Variants in C13orf46 observed in about 807,000 individuals in gnomAD.
C13orf46 encodes chromosome 13 open reading frame 46.
chr13:113,951,770 G>A (rs1482979709), downstream of C13orf46, among the ~76,000 whole-genome samples: 16 of 152,296 alleles, frequency 1.1e-4, no homozygotes, highest in Middle Eastern at 3.4e-3. Flanking sequence ...CCTTTTTTGC[G>A]AAACTCCACG....
At chr13:113,949,717 G>A (rs1297538717), downstream of C13orf46, among the ~76,000 whole-genome samples, 2 of 152,196 alleles carry the variant, frequency 1.3e-5, no homozygotes, top group African/African-American at 4.8e-5. Flanking sequence ...CCTGTGCCTG[G>A]CCCCAAGCTG....
intron 6 of C13orf46, among the ~76,000 whole-genome samples, chr13:113,957,289 G>A (rs1462905694): frequency 2.2e-5 from 3 of 136,368 alleles, no homozygotes; most frequent in Non-Finnish European, 4.6e-5. Flanking sequence ...CACACTGGGG[G>A]GTCTCCCCTG....
downstream of C13orf46, among the ~76,000 whole-genome samples, chr13:113,953,204 C>T (rs1035954260): frequency 1.6e-4 from 25 of 152,326 alleles, no homozygotes; most frequent in South Asian, 6.2e-4. Context: ...GGGACCTGCC[C>T]GCTTCTCTGA....
downstream of C13orf46, among the ~76,000 whole-genome samples, chr13:113,952,398 G>A (rs1338108438): frequency 3.9e-5 from 6 of 151,988 alleles, no homozygotes; most frequent in Non-Finnish European, 7.4e-5. Context: ...CCTGCCCAGG[G>A]CCGCTGTGTG....
chr13:113,959,539 C>T (rs922757911), intron 6 of C13orf46, among the ~76,000 whole-genome samples: 1 of 152,094 alleles, frequency 6.6e-6, no homozygotes, highest in Non-Finnish European at 1.5e-5. Flanking sequence ...GCCCAGCAGG[C>T]GTGTGACACA....
chr13:113,963,702 C>A (rs1441536645), intron 6 of C13orf46, among the ~76,000 whole-genome samples: 6 of 152,198 alleles, frequency 3.9e-5, no homozygotes, highest in African/African-American at 1.2e-4. Flanking sequence ...TCAGCCTCAG[C>A]TGCAGCCACT....
downstream of C13orf46, among the ~76,000 whole-genome samples, chr13:113,951,284 C>T (rs2052487668): frequency 2.0e-5 from 3 of 152,214 alleles, no homozygotes; most frequent in Admixed American, 6.5e-5. Flanking sequence ...GCCCTCAGCA[C>T]CGGGGCCCCC....
intron 6 of C13orf46, among the ~76,000 whole-genome samples, chr13:113,958,025 C>T (rs2052555372): frequency 7.1e-6 from 1 of 139,950 alleles, no homozygotes; most frequent in African/African-American, 2.7e-5. Context: ...ATCTCCCCTA[C>T]ACTCTGCCTG....
chr13:113,966,794 A>G (rs1221697907), intron 5 of C13orf46, among the ~76,000 whole-genome samples: 1 of 151,860 alleles, frequency 6.6e-6, no homozygotes, highest in Non-Finnish European at 1.5e-5. Flanking sequence ...AATGGTGGTG[A>G]TGATGATGAT....
At chr13:113,931,457 G>A in the C13orf46 span, among the ~76,000 whole-genome samples, 2 of 152,180 alleles carry the variant, frequency 1.3e-5, no homozygotes, top group African/African-American at 2.4e-5. Context: ...TGCACAAGCA[G>A]ACGCCAAGTG....
downstream of C13orf46, among the ~76,000 whole-genome samples, chr13:113,952,373 T>TGGCTGC (rs1170375490): frequency 4.7e-3 from 697 of 146,984 alleles, 14 homozygotes; most frequent in Admixed American, 0.041. Context: ...GGCCGCTGTG[T>TGGCTGC]GGCTGCCGCT....
chr13:113,956,879 C>T (rs2052539292), intron 6 of C13orf46, 40 bp from the exon 7 acceptor site: 1 of 152,386 alleles, frequency 6.6e-6, no homozygotes. Flanking sequence ...AGAAAGGGTC[C>T]TGGGCCAGCA....
chr13:113,958,716 G>T (rs1298545268), intron 6 of C13orf46, among the ~76,000 whole-genome samples: 1 of 152,216 alleles, frequency 6.6e-6, no homozygotes, highest in Non-Finnish European at 1.5e-5. Flanking sequence ...CTCTTGAAAA[G>T]CTTTTTTTTC....
the C13orf46 span, among the ~76,000 whole-genome samples, chr13:113,945,649 A>AAAG: frequency 2.3e-4 from 32 of 138,360 alleles, no homozygotes; most frequent in Non-Finnish European, 3.6e-4. Context: ...AGAAAGAAAG[A>AAAG]AAGAAAGAAA....
At chr13:113,944,402 G>A in the C13orf46 span, among the ~76,000 whole-genome samples, 3 of 152,252 alleles carry the variant, frequency 2.0e-5, no homozygotes, top group Non-Finnish European at 4.4e-5. Context: ...TGCTGGATGG[G>A]CTTCCTTGCT....
intron 5 of C13orf46, among the ~76,000 whole-genome samples, chr13:113,965,735 AGGT>A (rs1207695451): frequency 2.6e-5 from 2 of 75,908 alleles, no homozygotes; most frequent in African/African-American, 1.7e-4. Context: ...ATGATGGTGA[AGGT>A]GATGATGGTG....
At chr13:113,970,869 C>T (rs973057649) in intron 1 of C13orf46, among the ~76,000 whole-genome samples, 4 of 152,220 alleles carry the variant, frequency 2.6e-5, no homozygotes, top group South Asian at 2.1e-4. Context: ...CTGGTGCTCC[C>T]GGCAGGAACC....
chr13:113,966,111 ATGG>A (rs1338129746), intron 5 of C13orf46, among the ~76,000 whole-genome samples: 1 of 58,894 alleles, frequency 1.7e-5, no homozygotes, highest in African/African-American at 9.7e-5. Flanking sequence ...GATGATGATG[ATGG>A]TGATGATGGT....
the C13orf46 span, among the ~76,000 whole-genome samples, chr13:113,940,495 CCT>C: frequency 7.5e-6 from 1 of 132,982 alleles, no homozygotes; most frequent in South Asian, 2.4e-4. Context: ...CATTCGAGAC[CCT>C]GGTCTCTGGG....
Sources: gnomAD v4.1 joint callset for allele counts (sites outside exome capture counted in the v4.1 genomes callset) on GRCh38, gnomAD v4.1.1 for gene constraint, MANE v1.5 for transcripts, NCBI Gene and HGNC (gene_info 2026-07-23, HGNC 2026-07-21) for gene names.